Variants in FRMD4A observed in about 807,000 individuals in gnomAD.
FRMD4A encodes the protein FERM domain containing 4A.
In FRMD4A, 29 loss-of-function variants were observed where a neutral mutation model predicts 129.1. That is an observed-to-expected ratio of 0.22 (90% CI 0.17 to 0.31). FRMD4A has a LOEUF of 0.31. FRMD4A is among the 10% of genes least tolerant of loss of function. The pLI is 1.00. For synonymous variants in FRMD4A, 634 were observed against 571.6 expected (o/e 1.11, Z -1.56); for missense variants, 1,272 against 1,375.8 (o/e 0.92, Z 1.19).
At chr10:14,222,424 T>C (rs1157040153) in intron 2 of FRMD4A, among the ~76,000 whole-genome samples, 2 of 152,162 alleles carry the variant, frequency 1.3e-5, no homozygotes, top group South Asian at 2.1e-4. Flanking sequence ...GTGATGTCTA[T>C]CCAGTTGCCC....
At chr10:14,260,660 G>T (rs535710219) in intron 2 of FRMD4A, among the ~76,000 whole-genome samples, 1 of 152,232 alleles carries the variant, frequency 6.6e-6, no homozygotes, top group Non-Finnish European at 1.5e-5. Context: ...GCCACTCCTG[G>T]CTATCTCCCA....
At chr10:14,309,003 C>T (rs1485457188) in intron 2 of FRMD4A, among the ~76,000 whole-genome samples, 1 of 152,186 alleles carries the variant, frequency 6.6e-6, no homozygotes, top group Admixed American at 6.5e-5. Flanking sequence ...CACTTAGACA[C>T]CTGCCTTTCC....
intron 15 of FRMD4A, among the ~76,000 whole-genome samples, chr10:13,689,968 G>T (rs184080954): frequency 3.2e-3 from 488 of 152,200 alleles, no homozygotes; most frequent in Middle Eastern, 0.014. Flanking sequence ...GTTGGGTACT[G>T]GGCAAGTATT....
intron 2 of FRMD4A, among the ~76,000 whole-genome samples, chr10:14,219,467 T>C (rs1843178076): frequency 6.6e-6 from 1 of 152,164 alleles, no homozygotes; most frequent in Non-Finnish European, 1.5e-5. Context: ...CAAAGTAATA[T>C]AACTCTTCCT....
At chr10:14,256,024 T>A (rs892383667) in intron 2 of FRMD4A, among the ~76,000 whole-genome samples, 19 of 142,074 alleles carry the variant, frequency 1.3e-4, no homozygotes, top group African/African-American at 3.2e-4. Context: ...AAAAAAAAAA[T>A]TTGTTGCCAA....
intron 15 of FRMD4A, among the ~76,000 whole-genome samples, chr10:13,678,608 G>A (rs897188808): frequency 3.3e-5 from 5 of 152,336 alleles, no homozygotes; most frequent in Admixed American, 6.5e-5. Flanking sequence ...GTGCGCACGC[G>A]CACGCACACA....
At chr10:14,108,970 C>G (rs61835734) in intron 2 of FRMD4A, among the ~76,000 whole-genome samples, 2,718 of 152,224 alleles carry the variant, frequency 0.018, 39 homozygotes, top group Non-Finnish European at 0.028. Flanking sequence ...ACTTTTCTGA[C>G]TTATTGATAA....
intron 2 of FRMD4A, among the ~76,000 whole-genome samples, chr10:14,106,607 G>T (rs1837600214): frequency 6.6e-6 from 1 of 152,050 alleles, no homozygotes; most frequent in African/African-American, 2.4e-5. Flanking sequence ...TAAAAATCTG[G>T]ATCTCAATGT....
intron 2 of FRMD4A, among the ~76,000 whole-genome samples, chr10:14,131,488 C>G (rs1248060551): frequency 1.3e-5 from 2 of 150,790 alleles, no homozygotes; most frequent in African/African-American, 4.9e-5. Context: ...TGTGACTGTT[C>G]TGGAGACTGT....
chr10:14,184,291 C>A (rs1163209240), intron 2 of FRMD4A, among the ~76,000 whole-genome samples: 1 of 101,376 alleles, frequency 9.9e-6, no homozygotes, highest in Non-Finnish European at 2.1e-5. Context: ...ACCACCACAA[C>A]CGGTTAATTT....
intron 2 of FRMD4A, among the ~76,000 whole-genome samples, chr10:14,217,180 TAAAAG>T (rs1326526840): frequency 6.6e-6 from 1 of 152,218 alleles, no homozygotes; most frequent in Non-Finnish European, 1.5e-5. Flanking sequence ...GAGAGAATTT[TAAAAG>T]GTGTCAAATA....
chr10:14,072,690 T>G (rs1481916244), intron 2 of FRMD4A, among the ~76,000 whole-genome samples: 1 of 151,896 alleles, frequency 6.6e-6, no homozygotes, highest in Non-Finnish European at 1.5e-5. Flanking sequence ...AAGGGGAGGG[T>G]TTTTTTAGAA....
At position 13,795,381 on chromosome 10, in the gene FRMD4A, C is replaced by T. The variant is rs527353090; in HGVS notation, c.299+1115G>A. Reference sequence around the variant, plus strand: ...TTAAACAAATCAAAAACGCATTAAGCGCAAGTTGAAATTTACTCTGCCAGC... The same window carrying T: ...TTAAACAAATCAAAAACGCATTAAGTGCAAGTTGAAATTTACTCTGCCAGC... On this transcript the variant is annotated intron_variant, in intron 5 of 24. Transcript: ENST00000357447. 3.5e-4 allele frequency among the ~76,000 whole-genome samples: 53 copies of T among 152,264 alleles called. No individual in the cohort carries two copies. In the South Asian group the frequency reaches 0.01, roughly 29 times the overall value.
chr10:14,228,583 C>G (rs1843526470), intron 2 of FRMD4A, among the ~76,000 whole-genome samples: 1 of 152,256 alleles, frequency 6.6e-6, no homozygotes, highest in South Asian at 2.1e-4. Flanking sequence ...TAGTTAGAAA[C>G]AAGAGGGTGA....
chr10:14,003,974 T>A (rs1050483791), intron 2 of FRMD4A, among the ~76,000 whole-genome samples: 4 of 152,274 alleles, frequency 2.6e-5, no homozygotes, highest in African/African-American at 9.6e-5. Context: ...AGTTCATTTT[T>A]ACTTTACTTC....
intron 6 of FRMD4A, among the ~76,000 whole-genome samples, chr10:13,768,152 G>A (rs1212324805): frequency 7.9e-5 from 12 of 151,916 alleles, no homozygotes; most frequent in Admixed American, 7.2e-4. Context: ...TTCCTCCCAC[G>A]CCGTGTTGTT....
At chr10:14,124,832 T>C (rs775033602) in intron 2 of FRMD4A, among the ~76,000 whole-genome samples, 1 of 152,254 alleles carries the variant, frequency 6.6e-6, no homozygotes, top group Non-Finnish European at 1.5e-5. Flanking sequence ...GGCCTCATTT[T>C]TCTCACCTGT....
At chr10:13,685,456 A>G in intron 15 of FRMD4A, 4 of 985,034 alleles carry the variant, frequency 4.1e-6, no homozygotes, top group Non-Finnish European at 4.8e-6. Context: ...TAAATCCTAC[A>G]GTTTCCATTT....
At chr10:14,016,006 C>G (rs1196125442) in intron 2 of FRMD4A, among the ~76,000 whole-genome samples, 1 of 152,198 alleles carries the variant, frequency 6.6e-6, no homozygotes, top group Non-Finnish European at 1.5e-5. Flanking sequence ...GAGCCAAGAA[C>G]TGGGGATGCA....
Sources: gnomAD v4.1 joint callset for allele counts (sites outside exome capture counted in the v4.1 genomes callset) on GRCh38, gnomAD v4.1.1 for gene constraint, MANE v1.5 for transcripts, NCBI Gene and HGNC (gene_info 2026-07-23, HGNC 2026-07-21) for gene names.